Variants in ZNF431 observed in about 807,000 individuals in gnomAD.
The protein encoded by ZNF431 is zinc finger protein 431.
A neutral mutation model predicts 57.0 loss-of-function variants in ZNF431; 34 were observed. That is an observed-to-expected ratio of 0.60 (90% CI 0.45 to 0.79). The LOEUF (loss-of-function observed/expected upper bound fraction) is 0.79, where lower values mean the gene tolerates loss of function less well. ZNF431 is among the 30% of genes least tolerant of loss of function. The pLI is 0.00. For synonymous variants in ZNF431, 207 were observed against 220.3 expected, an observed-to-expected ratio of 0.94 and a Z score of 0.54; for missense variants, 607 against 667.1, an observed-to-expected ratio of 0.91 and a Z score of 0.99.
Position 21,186,493 on chromosome 19 carries a change from T to C in ZNF431, c.*2459T>C, listed in dbSNP as rs1245386881. 5 of 152,262 alleles carry C rather than the reference T, an allele frequency of 3.3e-5. No individual in the cohort carries two copies. Among genetic ancestry groups the C allele is most frequent in the African/African-American group, 1.2e-4 (5 of 41,554 alleles). 9.4% of individuals were successfully genotyped at this position (152,262 alleles called of 1,614,324 possible). A position where few individuals can be genotyped will look rare whatever the true frequency, so the allele number is the denominator to read the frequency against. On this transcript the variant is annotated 3_prime_UTR_variant, in exon 5 of 5. Coordinates refer to ENST00000311048, the MANE Select transcript of ZNF431 (RefSeq NM_133473.4). ...ACATATTTTCAGAAGGAAAGAATGA[T>C]ACGGGAACAAAAATCATTTTAATAT...
chr19:21,148,577 A>T (rs1970174903), intron 2 of ZNF431, among the ~76,000 whole-genome samples: 1 of 152,218 alleles, frequency 6.6e-6, no homozygotes. Flanking sequence ...TCTAATCTAA[A>T]ACATTCCTTT....
Position 21,190,952 on chromosome 19 carries a change from G to A in ZNF431, c.*6918G>A, listed in dbSNP as rs776836955. 3 of 151,652 alleles carry A rather than the reference G, an allele frequency of 2.0e-5. No individual in the cohort carries two copies. The highest frequency in any genetic ancestry group is 4.4e-5 in the Non-Finnish European group (3 of 67,964). 9.4% of individuals were successfully genotyped at this position (151,652 alleles called of 1,614,324 possible). ...ATTACAGGCATGAGCCACCGCGTCC[G>A]GCCTATTATTTTTAATAATTTTTTA... On this transcript the variant is annotated 3_prime_UTR_variant, in exon 5 of 5. Transcript: ENST00000311048.
chr19:21,154,906 G>A (rs973029217), intron 2 of ZNF431, among the ~76,000 whole-genome samples: 1 of 152,176 alleles, frequency 6.6e-6, no homozygotes, highest in Non-Finnish European at 1.5e-5. Context: ...GTTCATTGCT[G>A]ATTCTGGATA....
chr19:21,142,068 C>G lies in ZNF431; in HGVS notation c.-116C>G. The G allele has an allele frequency of 1.4e-6, 2 of 1,383,746 alleles. No individual in the cohort carries two copies. The highest frequency in any genetic ancestry group is 2.0e-6 in the Non-Finnish European group (2 of 983,486). 85.7% of individuals were successfully genotyped at this position (1,383,746 alleles called of 1,614,324 possible). On this transcript the variant is annotated 5_prime_UTR_variant, in exon 1 of 5. Transcript: ENST00000311048. ...TCTCGCCGCAGCCTGAGCTCCAGGT[C>G]TCCCCTTCGCTGCTCTGTGTCCTCT...
At chr19:21,149,695 T>C (rs1030697122) in intron 2 of ZNF431, 1 of 591,726 alleles carries the variant, frequency 1.7e-6, no homozygotes. Context: ...TTTTTGAGCT[T>C]GGCGATCTGA....
chr19:21,157,698 A>AT (rs552162796), intron 2 of ZNF431, among the ~76,000 whole-genome samples: 6 of 151,164 alleles, frequency 4.0e-5, no homozygotes, highest in Non-Finnish European at 8.8e-5. Flanking sequence ...CGCCTGGCTA[A>AT]TTTTTTTGGA....
At chr19:21,156,123 T>A (rs1012551618) in intron 2 of ZNF431, among the ~76,000 whole-genome samples, 2 of 152,236 alleles carry the variant, frequency 1.3e-5, no homozygotes, top group African/African-American at 2.4e-5. Context: ...TTGATTTTAG[T>A]GTTTCTTGAC....
rs1292078149 is a variant in ZNF431 at position 21,142,484 on chromosome 19, G to A, written c.3+298G>A. Among the ~76,000 whole-genome samples the A allele has an allele frequency of 2.0e-5, 3 of 152,228 alleles. No individual in the cohort carries two copies. In the East Asian group the frequency reaches 5.8e-4, roughly 29 times the overall value. ...TTTCCCAGATTGTGCAGGGACCACG[G>A]GAGGGTCTTCAGGGGACAGTTCTGA... On this transcript the variant is annotated intron_variant, in intron 1 of 4. Coordinates refer to ENST00000311048, the MANE Select transcript of ZNF431 (RefSeq NM_133473.4).
chr19:21,161,499 T>C (rs367659930), intron 2 of ZNF431, among the ~76,000 whole-genome samples: 4 of 152,204 alleles, frequency 2.6e-5, no homozygotes, highest in African/African-American at 7.2e-5. Context: ...TTATATGTTA[T>C]AACATTGAAA....
chr19:21,150,900 C>G (rs904686491), intron 2 of ZNF431, among the ~76,000 whole-genome samples: 1 of 151,940 alleles, frequency 6.6e-6, no homozygotes, highest in Non-Finnish European at 1.5e-5. Flanking sequence ...TTTGAGAAGG[C>G]TCTATCCACC....
rs1971338607 is a variant in ZNF431, at chr19:21,185,282, A to G, written c.*1248A>G. On this transcript the variant is annotated 3_prime_UTR_variant, in exon 5 of 5. Coordinates refer to ENST00000311048, the MANE Select transcript of ZNF431 (RefSeq NM_133473.4). ...GGATCAGAAGGTTTTTTGCAGAGTT[A>G]TAATTACATTCAAAGTATACTTTAT... 1 of 152,218 alleles carries G rather than the reference A, an allele frequency of 6.6e-6. No individual in the cohort carries two copies. The highest frequency in any genetic ancestry group is 1.5e-5 in the Non-Finnish European group (1 of 68,040). The allele number at this position is 152,218 out of a possible 1,614,324, so 9.4% of individuals were successfully genotyped here.
At chr19:21,163,893 T>C (rs1053207374) in intron 2 of ZNF431, among the ~76,000 whole-genome samples, 1 of 151,774 alleles carries the variant, frequency 6.6e-6, no homozygotes, top group African/African-American at 2.4e-5. Context: ...CTCATTAGGA[T>C]TACACGGTGA....
Position 21,187,786 on chromosome 19 carries a change from T to G in ZNF431, c.*3752T>G, listed in dbSNP as rs1364207618. ...TTTTCTACTTCTCTTCAGATTTGTC[T>G]TATGCATTTTCCAACTATGTATGCA... On this transcript the variant is annotated 3_prime_UTR_variant, in exon 5 of 5. Coordinates refer to ENST00000311048, the MANE Select transcript of ZNF431 (RefSeq NM_133473.4). 1 of 152,210 alleles carries G rather than the reference T, an allele frequency of 6.6e-6. No individual in the cohort carries two copies. Among genetic ancestry groups the G allele is most frequent in the Non-Finnish European group, 1.5e-5 (1 of 68,048 alleles). The allele number at this position is 152,210 out of a possible 1,614,324, so 9.4% of individuals were successfully genotyped here.
chr19:21,156,577 A>G (rs1397348066), intron 2 of ZNF431, among the ~76,000 whole-genome samples: 1 of 151,692 alleles, frequency 6.6e-6, no homozygotes, highest in Admixed American at 6.6e-5. Context: ...CTTTGTGTCC[A>G]TGTGTTATTA....
rs1401637607 is a variant in ZNF431 at position 21,185,971 on chromosome 19, T to C, written c.*1937T>C. The stretch of plus-strand genomic sequence containing the variant: ...TATATACGAGTATAAATGAAATTCA[T>C]TTCTAAATTCTTAATAAATATTTTC... On this transcript the variant is annotated 3_prime_UTR_variant, in exon 5 of 5. Coordinates refer to ENST00000311048, the MANE Select transcript of ZNF431 (RefSeq NM_133473.4). 6.6e-6 allele frequency: 1 copy of C among 152,190 alleles called. No individual in the cohort carries two copies. Among genetic ancestry groups the C allele is most frequent in the Non-Finnish European group, 1.5e-5 (1 of 68,036 alleles). 9.4% of individuals were successfully genotyped at this position (152,190 alleles called of 1,614,324 possible).
chr19:21,166,200 A>T (rs979219377), intron 2 of ZNF431, 135 bp from the exon 3 acceptor site: 1 of 1,343,986 alleles, frequency 7.4e-7, no homozygotes, highest in Non-Finnish European at 9.9e-7. Flanking sequence ...GTTAAAAATT[A>T]TTGGATAATT....
rs916252288 is a variant in ZNF431, at chr19:21,185,202, A to G, written c.*1168A>G. 2.6e-5 allele frequency: 4 copies of G among 152,254 alleles called. No homozygotes were observed. Among genetic ancestry groups the G allele is most frequent in the African/African-American group, 7.2e-5 (3 of 41,478 alleles). 9.4% of individuals were successfully genotyped at this position (152,254 alleles called of 1,614,324 possible). A position where few individuals can be genotyped will look rare whatever the true frequency, so the allele number is the denominator to read the frequency against. ...GATATACTAAATCAGAGTGCTAAGT[A>G]TAGAAAATCTGAAACTAAAGTTGGT... On this transcript the variant is annotated 3_prime_UTR_variant, in exon 5 of 5. Transcript: ENST00000311048.
chr19:21,166,542 T>A, intron 3 of ZNF431, 81 bp downstream of exon 3: 2 of 1,479,626 alleles, frequency 1.4e-6, no homozygotes, highest in Non-Finnish European at 1.8e-6. Context: ...TTTTGATAAT[T>A]TATGCTTTGT....
chr19:21,190,027 G>T lies in ZNF431; in HGVS notation c.*5993G>T. The stretch of plus-strand genomic sequence containing the variant: ...ACAAAAACAAAAAACACCTCAGCTG[G>T]GTGTGGTGGTGCAGGCCTGTAATCT... On this transcript the variant is annotated 3_prime_UTR_variant, in exon 5 of 5. Transcript: ENST00000311048. The T allele has an allele frequency of 5.2e-6, 2 of 384,446 alleles. No individual in the cohort carries two copies. 23.8% of individuals were successfully genotyped at this position (384,446 alleles called of 1,614,324 possible).
Sources: allele counts gnomAD v4.1 joint callset (sites outside exome capture counted in the v4.1 genomes callset), GRCh38; gene constraint gnomAD v4.1.1; transcripts MANE v1.5; gene names NCBI Gene and HGNC (gene_info 2026-07-23, HGNC 2026-07-21).